Variants in ASAP1 observed in about 807,000 individuals in gnomAD.
ASAP1 encodes the protein ArfGAP with SH3 domain, ankyrin repeat and PH domain 1, also known as arf-GAP with SH3 domain, ANK repeat and PH domain-containing protein 1.
A neutral mutation model predicts 145.2 loss-of-function variants in ASAP1; 43 were observed. The ratio of observed to expected loss-of-function variants is 0.30; its 90% CI spans 0.23 to 0.38. The LOEUF (loss-of-function observed/expected upper bound fraction) is 0.38. Among genes scored for constraint, ASAP1 ranks in the 10% least tolerant of loss-of-function variants. ASAP1 has a pLI of 1.00. For missense variants in ASAP1, 1,018 were observed against 1,355.3 expected (o/e 0.75, Z 3.91); for synonymous variants, 546 against 515.5 (o/e 1.06, Z -0.80).
At chr8:130,147,610 T>C (rs1277291208) in intron 13 of ASAP1, among the ~76,000 whole-genome samples, 1 of 152,218 alleles carries the variant, frequency 6.6e-6, no homozygotes, top group Non-Finnish European at 1.5e-5. Flanking sequence ...TCTCGTAACA[T>C]GGAAGACAGG....
intron 15 of ASAP1, among the ~76,000 whole-genome samples, chr8:130,132,337 TC>T (rs1216096820): frequency 1.3e-5 from 2 of 152,262 alleles, no homozygotes; most frequent in Non-Finnish European, 2.9e-5. Context: ...GGGCCAGGCC[TC>T]TGACTTCCTC....
In ASAP1 at chr8:130,431,989, A is replaced by C. The variant is rs542477060; in HGVS notation, c.-28+11471T>G. The stretch of plus-strand genomic sequence containing the variant: ...GGGGGAAGAAGGGGAAGGGGAGGAA[A>C]GAAGGAGAGGGAGGAGAAAGGGGAA... On this transcript the variant is annotated intron_variant, in intron 1 of 29. Coordinates refer to ENST00000518721, the MANE Select transcript of ASAP1 (RefSeq NM_018482.4). 1.2e-4 allele frequency among the ~76,000 whole-genome samples: 12 copies of C among 103,862 alleles called. No homozygotes were observed. The East Asian group carries it at 3.6e-3, about 31-fold the overall frequency. 68.1% of individuals were successfully genotyped at this position (103,862 alleles called of 152,430 possible).
At chr8:130,384,540 G>A (rs962760280) in intron 2 of ASAP1, among the ~76,000 whole-genome samples, 11 of 152,248 alleles carry the variant, frequency 7.2e-5, no homozygotes, top group South Asian at 4.1e-4. Flanking sequence ...GTGCAATGGC[G>A]CTATCTTGGC....
intron 14 of ASAP1, among the ~76,000 whole-genome samples, chr8:130,136,450 A>T (rs1445290340): frequency 6.6e-6 from 1 of 152,174 alleles, no homozygotes; most frequent in Admixed American, 6.5e-5. Context: ...TAGATTTTGC[A>T]GGGATATAAC....
intron 3 of ASAP1, among the ~76,000 whole-genome samples, chr8:130,301,778 C>T (rs1454516199): frequency 6.6e-6 from 1 of 152,176 alleles, no homozygotes; most frequent in Admixed American, 6.5e-5. Context: ...ACTGTCTTTC[C>T]ATGTCAACAG....
intron 24 of ASAP1, among the ~76,000 whole-genome samples, chr8:130,102,289 G>A (rs1174061751): frequency 6.6e-6 from 1 of 152,128 alleles, no homozygotes; most frequent in Non-Finnish European, 1.5e-5. Flanking sequence ...CTAATTTATT[G>A]AAGGTTTTTA....
At chr8:130,334,865 C>T (rs1824934642) in intron 3 of ASAP1, among the ~76,000 whole-genome samples, 1 of 152,188 alleles carries the variant, frequency 6.6e-6, no homozygotes, top group Admixed American at 6.5e-5. Flanking sequence ...AATCATCATC[C>T]CACTAACAAA....
intron 5 of ASAP1, among the ~76,000 whole-genome samples, chr8:130,192,914 G>C (rs1452367134): frequency 1.3e-5 from 2 of 152,138 alleles, no homozygotes; most frequent in Non-Finnish European, 2.9e-5. Context: ...AAAGTTACGT[G>C]CCTATCAATA....
chr8:130,355,769 G>C (rs2138107189), intron 3 of ASAP1, among the ~76,000 whole-genome samples: 1 of 152,234 alleles, frequency 6.6e-6, no homozygotes, highest in African/African-American at 2.4e-5. Context: ...CTATCCTTCA[G>C]TAAAAAAACC....
chr8:130,264,236 A>G (rs577548024), intron 3 of ASAP1, among the ~76,000 whole-genome samples: 1 of 152,354 alleles, frequency 6.6e-6, no homozygotes, highest in Admixed American at 6.5e-5. Context: ...GCTCCTAAAT[A>G]GGATTGGAAA....
intron 3 of ASAP1, among the ~76,000 whole-genome samples, chr8:130,321,853 T>C (rs1226803917): frequency 6.6e-6 from 1 of 152,220 alleles, no homozygotes; most frequent in East Asian, 1.9e-4. Flanking sequence ...TCAAGGCTCT[T>C]AATAATCATA....
intron 3 of ASAP1, among the ~76,000 whole-genome samples, chr8:130,355,248 T>A (rs1826235960): frequency 6.6e-6 from 1 of 152,142 alleles, no homozygotes; most frequent in African/African-American, 2.4e-5. Context: ...AGCATCAACA[T>A]CTGCACAACA....
chr8:130,245,019 G>C (rs1215486379), intron 3 of ASAP1, among the ~76,000 whole-genome samples: 1 of 152,162 alleles, frequency 6.6e-6, no homozygotes, highest in Non-Finnish European at 1.5e-5. Context: ...AACACCCACA[G>C]TTAGTGGGGT....
intron 5 of ASAP1, among the ~76,000 whole-genome samples, chr8:130,200,820 A>G (rs1815822088): frequency 6.6e-6 from 1 of 152,250 alleles, no homozygotes; most frequent in South Asian, 2.1e-4. Flanking sequence ...CCTATTTCTC[A>G]TTCAACTTGT....
chr8:130,378,739 G>A (rs1348650963), intron 2 of ASAP1, among the ~76,000 whole-genome samples: 8 of 152,192 alleles, frequency 5.3e-5, no homozygotes, highest in South Asian at 2.1e-4. Context: ...CCTGGGCACC[G>A]CATGAACACA....
chr8:130,105,010 A>G (rs2097534642), intron 24 of ASAP1, among the ~76,000 whole-genome samples: 1 of 152,210 alleles, frequency 6.6e-6, no homozygotes, highest in African/African-American at 2.4e-5. Context: ...GACAATATAC[A>G]TGAAGATTTT....
chr8:130,209,430 T>C (rs1816436871), intron 5 of ASAP1, among the ~76,000 whole-genome samples: 1 of 152,198 alleles, frequency 6.6e-6, no homozygotes, highest in Non-Finnish European at 1.5e-5. Context: ...TTTCACTGTG[T>C]TGACATTTGC....
chr8:130,367,989 C>T (rs1827039080), intron 2 of ASAP1, among the ~76,000 whole-genome samples: 2 of 152,140 alleles, frequency 1.3e-5, no homozygotes, highest in Non-Finnish European at 2.9e-5. Context: ...TTCTTCTTAA[C>T]ATATGCTATT....
intron 1 of ASAP1, among the ~76,000 whole-genome samples, chr8:130,416,391 A>G (rs993469163): frequency 3.3e-5 from 5 of 152,224 alleles, no homozygotes; most frequent in Non-Finnish European, 7.3e-5. Flanking sequence ...GAATTAATTA[A>G]TGAATGCCTA....
Sources: gnomAD v4.1 joint callset for allele counts (sites outside exome capture counted in the v4.1 genomes callset) on GRCh38, gnomAD v4.1.1 for gene constraint, MANE v1.5 for transcripts, NCBI Gene and HGNC (gene_info 2026-07-23, HGNC 2026-07-21) for gene names.